The following C8orf48 variants were observed in gnomAD, a reference collection of about 807,000 sequenced individuals.
C8orf48 encodes chromosome 8 open reading frame 48.
For synonymous variants in C8orf48, 188 were observed against 138.2 expected, an observed-to-expected ratio of 1.36 and a Z score of -2.53; for missense variants, 580 against 363.3, an observed-to-expected ratio of 1.60 and a Z score of -4.85.
chr8:13,567,966 T>G lies in C8orf48; in HGVS notation c.*15T>G. The stretch of plus-strand genomic sequence containing the variant: ...ATAATGTGTAATGTGGATAGATGTC[T>G]TTGTTGTGTATTTGAGTAATTACCA... On this transcript the variant is annotated 3_prime_UTR_variant, in exon 1 of 1. Transcript: ENST00000297324. 1 of 1,516,262 alleles carries G rather than the reference T, an allele frequency of 6.6e-7. No homozygotes were observed. Among genetic ancestry groups the G allele is most frequent in the Non-Finnish European group, 8.8e-7 (1 of 1,131,958 alleles). The allele number at this position is 1,516,262 out of a possible 1,614,324, so 93.9% of individuals were successfully genotyped here.
In C8orf48 at chr8:13,566,952, C is replaced by A. The variant is rs1201805774; in HGVS notation, c.-40C>A. 1.3e-6 allele frequency: 2 copies of A among 1,500,044 alleles called. No homozygotes were observed. The highest frequency in any genetic ancestry group is 2.3e-5 in the Admixed American group (1 of 44,442). The allele number at this position is 1,500,044 out of a possible 1,614,324, so 92.9% of individuals were successfully genotyped here. A position where few individuals can be genotyped will look rare whatever the true frequency, so the allele number is the denominator to read the frequency against. On this transcript the variant is annotated 5_prime_UTR_variant, in exon 1 of 1. In the 5' UTR this introduces an upstream ATG that the reference lacks. Transcript: ENST00000297324. ...GACGGGTTCCTGAGCCAGTCTTAAC[C>A]TGGGCAAAGGAGATGAGGAGCCGAG...
rs1402268174 is a variant in C8orf48, at chr8:13,567,324, C to A, written c.333C>A (p.Ile111=). 6.4e-7 allele frequency: 1 copy of A among 1,551,678 alleles called. No individual in the cohort carries two copies. Among genetic ancestry groups the A allele is most frequent in the South Asian group, 1.2e-5 (1 of 84,058 alleles). The change falls in exon 1 of 1, where the codon ATC becomes ATA. Residue 111 remains isoleucine, a synonymous_variant. Transcript: ENST00000297324. ...CAGACACCAAACTTCCAACAGAAATCACTCGGGTATCAGATGAAGAATTGA... is the reference window on the plus strand; with the variant it reads ...CAGACACCAAACTTCCAACAGAAATAACTCGGGTATCAGATGAAGAATTGA... The part of the protein sequence containing the change: ...HQPDTKLPTE[I]TRVSDEELNA...
At position 13,567,212 on chromosome 8, in the gene C8orf48, T is replaced by G; in HGVS notation, c.221T>G (p.Leu74Trp). The G allele has an allele frequency of 1.3e-6, 2 of 1,551,600 alleles. No homozygotes were observed. Among genetic ancestry groups the G allele is most frequent in the Non-Finnish European group, 8.7e-7 (1 of 1,146,970 alleles). ...CAAGGAGACACACAATCTGAGCTTT[T>G]GGACTATAAAAATTATGAAAAGAAG... ...LEQGDTQSEL[L>W]DYKNYEKKLS... Residue 74 changes from leucine to tryptophan, a missense_variant, in exon 1 of 1, where the codon TTG becomes TGG. Leu to Trp is a moderately conservative substitution (Grantham distance 61, BLOSUM62 -2). Coordinates refer to ENST00000297324, the MANE Select transcript of C8orf48 (RefSeq NM_001007090.3).
At position 13,568,098 on chromosome 8, in the gene C8orf48, T is replaced by A. The variant is rs1486545459; in HGVS notation, c.*147T>A. ...TTTTTTTTCCTATTATAGAAGGCAC[T>A]GTTGTAGTTGGAATAGTTATAAAAA... On this transcript the variant is annotated 3_prime_UTR_variant, in exon 1 of 1. Coordinates refer to ENST00000297324, the MANE Select transcript of C8orf48 (RefSeq NM_001007090.3). The A allele has an allele frequency of 1.2e-5, 10 of 848,634 alleles. No homozygotes were observed. Among genetic ancestry groups the A allele is most frequent in the Non-Finnish European group, 1.8e-5 (10 of 566,334 alleles). 52.6% of individuals were successfully genotyped at this position (848,634 alleles called of 1,614,324 possible). A position where few individuals can be genotyped will look rare whatever the true frequency, so the allele number is the denominator to read the frequency against.
In C8orf48 at chr8:13,566,942, C is replaced by A. The variant is rs1233196168; in HGVS notation, c.-50C>A. On this transcript the variant is annotated 5_prime_UTR_variant, in exon 1 of 1. Transcript: ENST00000297324. ...GTCAGCTCCTGACGGGTTCCTGAGC[C>A]AGTCTTAACCTGGGCAAAGGAGATG... is the stretch of plus-strand genomic sequence containing the variant. 6.8e-7 allele frequency: 1 copy of A among 1,477,480 alleles called. No homozygotes were observed. Among genetic ancestry groups the A allele is most frequent in the South Asian group, 1.4e-5 (1 of 71,316 alleles). The allele number at this position is 1,477,480 out of a possible 1,614,324, so 91.5% of individuals were successfully genotyped here. A position where few individuals can be genotyped will look rare whatever the true frequency, so the allele number is the denominator to read the frequency against.
rs566663791 is a variant in C8orf48, at chr8:13,567,213, G to A, written c.222G>A (p.Leu74=). Residue 74 remains leucine (L), a synonymous_variant, in exon 1 of 1, where the codon TTG becomes TTA. Transcript: ENST00000297324. ...LEQGDTQSEL[L]DYKNYEKKLS... The stretch of plus-strand genomic sequence containing the variant: ...AAGGAGACACACAATCTGAGCTTTT[G>A]GACTATAAAAATTATGAAAAGAAGT... 3.2e-6 allele frequency: 5 copies of A among 1,551,372 alleles called. No homozygotes were observed. The highest frequency in any genetic ancestry group is 4.4e-6 in the Non-Finnish European group (5 of 1,146,972).
In C8orf48 at chr8:13,567,310, C is replaced by G; in HGVS notation, c.319C>G (p.Leu107Val). ...NFERHQPDTK[L>V]PTEITRVSDE... ...TGAACGGCACCAACCAGACACCAAA[C>G]TTCCAACAGAAATCACTCGGGTATC... is the stretch of plus-strand genomic sequence containing the variant. The change falls in exon 1 of 1, where the codon CTT becomes GTT. Residue 107 changes from leucine to valine, a missense_variant. Physicochemically the swap from Leu to Val is conservative, Grantham distance 32. Transcript: ENST00000297324. 1.3e-6 allele frequency: 2 copies of G among 1,551,734 alleles called. No individual in the cohort carries two copies. Among genetic ancestry groups the G allele is most frequent in the Non-Finnish European group, 1.7e-6 (2 of 1,147,020 alleles).
At position 13,567,784 on chromosome 8, in the gene C8orf48, C is replaced by G. The variant is rs1206851647; in HGVS notation, c.793C>G (p.Leu265Val). 8 of 1,551,858 alleles carry G rather than the reference C, an allele frequency of 5.2e-6. No homozygotes were observed. Among genetic ancestry groups the G allele is most frequent in the Admixed American group, 2.0e-5 (1 of 51,008 alleles). ...SDDPRIIWKR[L>V]TEKSHIRYSG... Reference sequence around the variant, plus strand: ...TGACCCCAGAATAATCTGGAAAAGACTGACTGAGAAAAGTCATATCAGATA... The same window carrying G: ...TGACCCCAGAATAATCTGGAAAAGAGTGACTGAGAAAAGTCATATCAGATA... The change falls in exon 1 of 1, where the codon CTG becomes GTG. Residue 265 changes from leucine (L) to valine (V), a missense_variant. Leu to Val is a conservative substitution (Grantham distance 32, BLOSUM62 1). Transcript: ENST00000297324.
In C8orf48 at chr8:13,568,197, T is replaced by C. The variant is rs1399261897; in HGVS notation, c.*246T>C. 2.5e-6 allele frequency: 1 copy of C among 394,822 alleles called. No individual in the cohort carries two copies. The highest frequency in any genetic ancestry group is 4.6e-6 in the Non-Finnish European group (1 of 215,138). 24.5% of individuals were successfully genotyped at this position (394,822 alleles called of 1,614,324 possible). A position where few individuals can be genotyped will look rare whatever the true frequency, so the allele number is the denominator to read the frequency against. On this transcript the variant is annotated 3_prime_UTR_variant, in exon 1 of 1. Coordinates refer to ENST00000297324, the MANE Select transcript of C8orf48 (RefSeq NM_001007090.3). ...TTGATGGTACAGAAGCAAAGTAGTATGGGGATGTAAGAGAAACTTAAAAAG... is the reference window on the plus strand; with the variant it reads ...TTGATGGTACAGAAGCAAAGTAGTACGGGGATGTAAGAGAAACTTAAAAAG...
In C8orf48 at chr8:13,567,391, C is replaced by A; in HGVS notation, c.400C>A (p.His134Asn). 2 of 1,551,660 alleles carry A rather than the reference C, an allele frequency of 1.3e-6. No individual in the cohort carries two copies. The highest frequency in any genetic ancestry group is 1.4e-5 in the African/African-American group (1 of 73,130). Reference protein sequence around the residue: ...SYCTMKINLIHRRGDSKKKTS... With the variant: ...SYCTMKINLINRRGDSKKKTS... ...TTGCACCATGAAGATAAATTTGATT[C>A]ATCGTAGAGGGGATTCTAAGAAGAA... Residue 134 changes from histidine to asparagine, a missense_variant, in exon 1 of 1, where the codon CAT becomes AAT. Coordinates refer to ENST00000297324, the MANE Select transcript of C8orf48 (RefSeq NM_001007090.3).
rs2117397187 is a variant in C8orf48, at chr8:13,566,919, C to G, written c.-73C>G. ...CATTGAGATCCATTCCCGGAGGGGT[C>G]AGCTCCTGACGGGTTCCTGAGCCAG... On this transcript the variant is annotated 5_prime_UTR_variant, in exon 1 of 1. Coordinates refer to ENST00000297324, the MANE Select transcript of C8orf48 (RefSeq NM_001007090.3). 1 of 1,454,546 alleles carries G rather than the reference C, an allele frequency of 6.9e-7. No individual in the cohort carries two copies. The allele number at this position is 1,454,546 out of a possible 1,614,324, so 90.1% of individuals were successfully genotyped here.
chr8:13,567,470 A>G lies in C8orf48; in HGVS notation c.479A>G (p.Glu160Gly). ...LHLGLDVEAS[E>G]RDAFSCTVPD... ...CTTGGATTGGATGTAGAGGCTTCAG[A>G]GAGAGATGCCTTTAGTTGTACTGTA... The change falls in exon 1 of 1, where the codon GAG becomes GGG. Residue 160 changes from glutamate to glycine, a missense_variant. Transcript: ENST00000297324. 1 of 1,552,108 alleles carries G rather than the reference A, an allele frequency of 6.4e-7. No homozygotes were observed. Among genetic ancestry groups the G allele is most frequent in the Non-Finnish European group, 8.7e-7 (1 of 1,147,074 alleles).
rs1421819749 is a variant in C8orf48 at position 13,567,325 on chromosome 8, A to G, written c.334A>G (p.Thr112Ala). 3 of 1,551,672 alleles carry G rather than the reference A, an allele frequency of 1.9e-6. No homozygotes were observed. Among genetic ancestry groups the G allele is most frequent in the Non-Finnish European group, 2.6e-6 (3 of 1,146,998 alleles). The change falls in exon 1 of 1, where the codon ACT (threonine) becomes GCT (alanine). Residue 112 changes from threonine to alanine, a missense_variant. Thr to Ala is a moderately conservative substitution (Grantham distance 58). Transcript: ENST00000297324. ...AGACACCAAACTTCCAACAGAAATC[A>G]CTCGGGTATCAGATGAAGAATTGAA... The part of the protein sequence containing the change: ...QPDTKLPTEI[T>A]RVSDEELNAL...
In C8orf48 at chr8:13,567,036, T is replaced by G; in HGVS notation, c.45T>G (p.Leu15=). Residue 15 remains leucine (L), a synonymous_variant, in exon 1 of 1, where the codon CTT becomes CTG. Coordinates refer to ENST00000297324, the MANE Select transcript of C8orf48 (RefSeq NM_001007090.3). The part of the protein sequence containing the change: ...PELAQTDKSA[L]ANLSDETETL... ...TGGCCCAAACGGACAAAAGTGCTCT[T>G]GCAAACCTTTCTGATGAGACTGAGA... The G allele has an allele frequency of 4.5e-6, 7 of 1,551,592 alleles. No individual in the cohort carries two copies. The highest frequency in any genetic ancestry group is 6.1e-6 in the Non-Finnish European group (7 of 1,146,922).
At chr8:13,567,386 T>A in the C8orf48 span, 1 of 1,551,666 alleles carries the variant, frequency 6.4e-7, no homozygotes, top group Non-Finnish European at 8.7e-7. Context: ...AAGATAAATT[T>A]GATTCATCGT....
rs536897309 is a variant in C8orf48, at chr8:13,568,061, A to C, written c.*110A>C. ...GCTTCCTTCACAGATTTGAGGACTA[A>C]GAACTTTCACTTTTTTTTTCCTATT... On this transcript the variant is annotated 3_prime_UTR_variant, in exon 1 of 1. Transcript: ENST00000297324. The C allele has an allele frequency of 1.2e-5, 15 of 1,226,074 alleles. No homozygotes were observed. The Admixed American group carries it at 4.2e-4, about 35-fold the overall frequency. The allele number at this position is 1,226,074 out of a possible 1,614,324, so 75.9% of individuals were successfully genotyped here.
chr8:13,567,472 A>G lies in C8orf48; in HGVS notation c.481A>G (p.Arg161Gly), dbSNP rs983453912. 1.3e-6 allele frequency: 2 copies of G among 1,552,106 alleles called. No homozygotes were observed. Among genetic ancestry groups the G allele is most frequent in the Non-Finnish European group, 1.7e-6 (2 of 1,147,078 alleles). ...HLGLDVEASE[R>G]DAFSCTVPDE... ...TGGATTGGATGTAGAGGCTTCAGAG[A>G]GAGATGCCTTTAGTTGTACTGTACC... The change falls in exon 1 of 1, where the codon AGA (arginine) becomes GGA (glycine). Residue 161 changes from arginine to glycine, a missense_variant. Physicochemically the swap from Arg to Gly is moderately radical, Grantham distance 125. Transcript: ENST00000297324.
chr8:13,567,294 C>G lies in C8orf48; in HGVS notation c.303C>G (p.His101Gln), dbSNP rs1266561864. 6.4e-7 allele frequency: 1 copy of G among 1,551,672 alleles called. No individual in the cohort carries two copies. Residue 101 changes from histidine (H) to glutamine (Q), a missense_variant, in exon 1 of 1, where the codon CAC becomes CAG. His to Gln is a conservative substitution (Grantham distance 24, BLOSUM62 0). Coordinates refer to ENST00000297324, the MANE Select transcript of C8orf48 (RefSeq NM_001007090.3). The part of the protein sequence containing the change: ...LKLKDSNFER[H>Q]QPDTKLPTEI... Reference sequence around the variant, plus strand: ...TCAAAGACTCTAACTTTGAACGGCACCAACCAGACACCAAACTTCCAACAG... The same window carrying G: ...TCAAAGACTCTAACTTTGAACGGCAGCAACCAGACACCAAACTTCCAACAG...
Position 13,567,577 on chromosome 8 carries a change from T to C in C8orf48, c.586T>C (p.Ser196Pro), listed in dbSNP as rs1464322077. 8.4e-6 allele frequency: 13 copies of C among 1,551,720 alleles called. No homozygotes were observed. The highest frequency in any genetic ancestry group is 1.7e-4 in the Middle Eastern group (1 of 5,994). ...GGAGGCAGCAGCTAAGCAACACATA[T>C]CTTATCAGTGTCCCTATTGTAACAG... is the stretch of plus-strand genomic sequence containing the variant. Reference protein sequence around the residue: ...KQEAAAKQHISYQCPYCNRKR... With the variant: ...KQEAAAKQHIPYQCPYCNRKR... The change falls in exon 1 of 1, where the codon TCT (serine) becomes CCT (proline). Residue 196 changes from serine to proline, a missense_variant. By Grantham distance (74) the Ser-to-Pro change is moderately conservative (BLOSUM62 -1). Coordinates refer to ENST00000297324, the MANE Select transcript of C8orf48 (RefSeq NM_001007090.3).
Sources: allele counts gnomAD v4.1 joint callset, GRCh38; gene constraint gnomAD v4.1.1; transcripts MANE v1.5; gene names NCBI Gene and HGNC (gene_info 2026-07-23, HGNC 2026-07-21).